The following GABRG1 variants were observed in gnomAD, a reference collection of about 807,000 sequenced individuals.
GABRG1 encodes the protein gamma-aminobutyric acid receptor subunit gamma-1.
GABRG1 carries 49 observed loss-of-function variants against 49.8 expected under a neutral mutation model. The observed-to-expected ratio is 0.98, with a 90% CI of 0.78 to 1.25. The LOEUF is 1.25. GABRG1 is among the 50% of genes most tolerant of loss of function. GABRG1 has a pLI of 0.00. For missense variants in GABRG1, 552 were observed against 552.3 expected (o/e 1.00, Z 0.01); for synonymous variants, 232 against 185.1 (o/e 1.25, Z -2.06).
At chr4:46,095,666 A>G (rs1190912085) in intron 2 of GABRG1, among the ~76,000 whole-genome samples, 1 of 151,860 alleles carries the variant, frequency 6.6e-6, no homozygotes, top group Admixed American at 6.6e-5. Context: ...GAAAACATAA[A>G]TTGAGGATTT....
chr4:46,078,720 A>G (rs919857145), intron 3 of GABRG1, among the ~76,000 whole-genome samples: 7 of 152,070 alleles, frequency 4.6e-5, no homozygotes, highest in Non-Finnish European at 1.0e-4. Flanking sequence ...CTTACTTAAA[A>G]GTCAGTTCTC....
intron 1 of GABRG1, among the ~76,000 whole-genome samples, chr4:46,108,635 T>G (rs1236035916): frequency 6.6e-6 from 1 of 150,838 alleles, no homozygotes; most frequent in African/African-American, 2.4e-5. Flanking sequence ...ATTTTTTTTT[T>G]GTTTATGGAT....
In GABRG1 at chr4:46,047,321, GTTCT is replaced by G. The variant is rs1482718183; in HGVS notation, c.1131+4099_1131+4102del. On this transcript the variant is annotated intron_variant, in intron 8 of 8. Coordinates refer to ENST00000295452, the MANE Select transcript of GABRG1 (RefSeq NM_173536.4). Reference sequence around the variant, plus strand: ...TGACATAGTTCCCTCTATCTTAAATGTTCTTTCTAATTTGTTATCTTGAAAACTG... The same window carrying G: ...TGACATAGTTCCCTCTATCTTAAATGTTCTAATTTGTTATCTTGAAAACTG... 5.3e-5 allele frequency among the ~76,000 whole-genome samples: 8 copies of G among 152,130 alleles called. 1 individual carries two copies. Among genetic ancestry groups the G allele is most frequent in the African/African-American group, 1.7e-4 (7 of 41,534 alleles).
rs1553884495 is a variant in GABRG1 at position 46,118,132 on chromosome 4, G to GTATATATATATATATATA, written c.104+5677_104+5678insTATATATATATATATATA. ...TATATACATATATACGTGTGTGTGTGTATATATATATATACAGCTACAGTA... is the reference window on the plus strand; with the variant it reads ...TATATACATATATACGTGTGTGTGTGTATATATATATATATATATATATATATATATACAGCTACAGTA... On this transcript the variant is annotated intron_variant, in intron 1 of 8. Transcript: ENST00000295452. Among the ~76,000 whole-genome samples, 598 of 109,952 alleles carry GTATATATATATATATATA rather than the reference G, an allele frequency of 5.4e-3. 52 individuals carry two copies. Among genetic ancestry groups the GTATATATATATATATATA allele is most frequent in the African/African-American group, 0.028 (494 of 17,884 alleles). 72.1% of individuals were successfully genotyped at this position (109,952 alleles called of 152,430 possible). A position where few individuals can be genotyped will look rare whatever the true frequency, so the allele number is the denominator to read the frequency against.
intron 3 of GABRG1, among the ~76,000 whole-genome samples, chr4:46,066,253 G>T (rs537387569): frequency 2.0e-5 from 3 of 151,934 alleles, no homozygotes; most frequent in Non-Finnish European, 4.4e-5. Flanking sequence ...GAAACTAGAC[G>T]CAAAAAACAA....
intron 2 of GABRG1, among the ~76,000 whole-genome samples, chr4:46,095,987 A>G (rs928887529): frequency 2.0e-4 from 31 of 151,748 alleles, no homozygotes; most frequent in African/African-American, 7.2e-4. Flanking sequence ...CTCCCCACCC[A>G]GTGTCTGTTA....
chr4:46,051,741 A>G lies in GABRG1; in HGVS notation c.917-103T>C. On this transcript the variant is annotated intron_variant, in intron 7 of 8. Transcript: ENST00000295452. ...TGAGTGAAATTAAACAATAGAAACA[A>G]AAATATGATTACTAGTAATTTATAT... 4.7e-6 allele frequency: 3 copies of G among 638,006 alleles called. No homozygotes were observed. In the South Asian group the frequency reaches 6.5e-5, roughly 14 times the overall value. The allele number at this position is 638,006 out of a possible 1,614,324, so 39.5% of individuals were successfully genotyped here. A position where few individuals can be genotyped will look rare whatever the true frequency, so the allele number is the denominator to read the frequency against.
intron 7 of GABRG1, among the ~76,000 whole-genome samples, chr4:46,056,421 C>G (rs1326142473): frequency 6.6e-6 from 1 of 151,996 alleles, no homozygotes; most frequent in Non-Finnish European, 1.5e-5. Context: ...CAGGTTAGCA[C>G]CACACTTCAT....
At chr4:46,068,110 A>G (rs1041122924) in intron 3 of GABRG1, among the ~76,000 whole-genome samples, 1 of 152,166 alleles carries the variant, frequency 6.6e-6, no homozygotes, top group Non-Finnish European at 1.5e-5. Flanking sequence ...CATGATGTCT[A>G]ATTTTAATGG....
intron 3 of GABRG1, 75 bp downstream of exon 3, chr4:46,083,911 A>C: frequency 1.3e-6 from 1 of 792,524 alleles, no homozygotes. Flanking sequence ...AAAATTACTC[A>C]CATGCGAATT....
At chr4:46,070,811 G>A (rs1207383242) in intron 3 of GABRG1, among the ~76,000 whole-genome samples, 2 of 151,988 alleles carry the variant, frequency 1.3e-5, no homozygotes, top group African/African-American at 4.8e-5. Flanking sequence ...CTTCCTAGAG[G>A]AACCTCAGTC....
chr4:46,048,496 G>A (rs974601018), intron 8 of GABRG1, among the ~76,000 whole-genome samples: 4 of 150,776 alleles, frequency 2.7e-5, no homozygotes, highest in African/African-American at 4.9e-5. Flanking sequence ...TATGGCCATT[G>A]TCACAACTGG....
rs963475099 is a variant in GABRG1 at position 46,035,897 on chromosome 4, A to G, written c.*5091T>C. 1.3e-5 allele frequency: 2 copies of G among 152,020 alleles called. No homozygotes were observed. The allele number at this position is 152,020 out of a possible 1,614,324, so 9.4% of individuals were successfully genotyped here. A position where few individuals can be genotyped will look rare whatever the true frequency, so the allele number is the denominator to read the frequency against. On this transcript the variant is annotated 3_prime_UTR_variant, in exon 9 of 9. Coordinates refer to ENST00000295452, the MANE Select transcript of GABRG1 (RefSeq NM_173536.4). Reference sequence around the variant, plus strand: ...CAAAATTACAAATGTTCCTCAAAACAATGAGGCAGTAGCAGAATAACAGAA... The same window carrying G: ...CAAAATTACAAATGTTCCTCAAAACGATGAGGCAGTAGCAGAATAACAGAA...
chr4:46,094,809 T>C (rs1720114783), intron 2 of GABRG1, among the ~76,000 whole-genome samples: 1 of 151,858 alleles, frequency 6.6e-6, no homozygotes, highest in African/African-American at 2.4e-5. Flanking sequence ...AATACATCAA[T>C]AAGCTAAGAT....
chr4:46,110,748 AC>A (rs971277730), intron 1 of GABRG1, among the ~76,000 whole-genome samples: 9 of 151,242 alleles, frequency 6.0e-5, no homozygotes, highest in African/African-American at 9.7e-5. Flanking sequence ...ATTAAAAAAA[AC>A]ATGTAATCAT....
chr4:46,058,042 C>G (rs1718517931), intron 7 of GABRG1, among the ~76,000 whole-genome samples, 175 bp downstream of exon 7: 1 of 152,042 alleles, frequency 6.6e-6, no homozygotes, highest in African/African-American at 2.4e-5. Context: ...CCATTTTCTA[C>G]TTTTCTTTTT....
intron 5 of GABRG1, among the ~76,000 whole-genome samples, chr4:46,060,672 A>C (rs1035835965): frequency 1.3e-5 from 2 of 152,206 alleles, no homozygotes; most frequent in African/African-American, 4.8e-5. Context: ...TCATGCAATG[A>C]AATAGTTATC....
intron 8 of GABRG1, among the ~76,000 whole-genome samples, chr4:46,046,324 G>A (rs1410987436): frequency 6.6e-6 from 1 of 152,040 alleles, no homozygotes; most frequent in Non-Finnish European, 1.5e-5. Flanking sequence ...AGCTGTTGGT[G>A]GTGGTATCTA....
At chr4:46,123,101 AACACAC>A (rs34086673) in intron 1 of GABRG1, among the ~76,000 whole-genome samples, 1,746 of 129,508 alleles carry the variant, frequency 0.013, 16 homozygotes, top group East Asian at 0.025. Flanking sequence ...CATACACACA[AACACAC>A]ACACACACAC....
Sources: gnomAD v4.1 joint callset for allele counts (sites outside exome capture counted in the v4.1 genomes callset) on GRCh38, gnomAD v4.1.1 for gene constraint, MANE v1.5 for transcripts, NCBI Gene and HGNC (gene_info 2026-07-23, HGNC 2026-07-21) for gene names.